The following IQSEC1 variants were observed in gnomAD, a reference collection of about 807,000 sequenced individuals.
IQSEC1 encodes IQ motif and SEC7 domain-containing protein 1.
IQSEC1 carries 31 observed loss-of-function variants against 91.0 expected under a neutral mutation model. The observed-to-expected ratio is 0.34, with a 90% CI of 0.26 to 0.46. IQSEC1 has a LOEUF of 0.46. IQSEC1 is among the 20% of genes least tolerant of loss of function. The probability of loss-of-function intolerance (pLI) is 1.00; values close to 1 mark genes in which losing one functional copy is unlikely to be tolerated. For synonymous variants in IQSEC1, 699 were observed against 662.6 expected, an observed-to-expected ratio of 1.05 and a Z score of -0.84; for missense variants, 1,388 against 1,575.6, an observed-to-expected ratio of 0.88 and a Z score of 2.02.
At chr3:13,192,525 T>C (rs1266941456) in intron 1 of IQSEC1, among the ~76,000 whole-genome samples, 1 of 151,034 alleles carries the variant, frequency 6.6e-6, no homozygotes, top group Non-Finnish European at 1.5e-5. Context: ...CCTGCGGAGG[T>C]GGAGGTGGAG....
chr3:13,107,340 C>T (rs1316091005), intron 2 of IQSEC1, among the ~76,000 whole-genome samples: 23 of 152,232 alleles, frequency 1.5e-4, no homozygotes, highest in Admixed American at 1.5e-3. Flanking sequence ...GTTAAGGCAG[C>T]GGCCATTGCC....
At chr3:13,243,991 C>A (rs1199877125) in intron 1 of IQSEC1, among the ~76,000 whole-genome samples, 1 of 152,172 alleles carries the variant, frequency 6.6e-6, no homozygotes, top group Non-Finnish European at 1.5e-5. Flanking sequence ...GGATATGATG[C>A]CCTTTCATTT....
Position 12,900,726 on chromosome 3 carries a change from T to G in IQSEC1, c.*257A>C. 1 of 1,405,474 alleles carries G rather than the reference T, an allele frequency of 7.1e-7. No individual in the cohort carries two copies. Among genetic ancestry groups the G allele is most frequent in the South Asian group, 1.5e-5 (1 of 65,840 alleles). 87.1% of individuals were successfully genotyped at this position (1,405,474 alleles called of 1,614,324 possible). ...CTTGGCTGGCTCACCGTTTCAAGGC[T>G]GATGGTGTCTGAGGCCCACCCATCC... On this transcript the variant is annotated 3_prime_UTR_variant, in exon 14 of 14. Coordinates refer to ENST00000613206, the MANE Select transcript of IQSEC1 (RefSeq NM_001134382.3).
intron 2 of IQSEC1, among the ~76,000 whole-genome samples, chr3:13,116,268 T>A (rs940199853): frequency 3.3e-5 from 5 of 152,148 alleles, no homozygotes; most frequent in Non-Finnish European, 7.4e-5. Context: ...GAGCTATATG[T>A]GGGGGCCAGA....
rs927534505 is a variant in IQSEC1 at position 13,226,575 on chromosome 3, G to C, written c.272+56136C>G. 2.9e-5 allele frequency among the ~76,000 whole-genome samples: 4 copies of C among 136,126 alleles called. No homozygotes were observed. In the East Asian group the frequency reaches 6.9e-4, roughly 23 times the overall value. 89.3% of individuals were successfully genotyped at this position (136,126 alleles called of 152,430 possible). A position where few individuals can be genotyped will look rare whatever the true frequency, so the allele number is the denominator to read the frequency against. The stretch of plus-strand genomic sequence containing the variant: ...AAGACCAGCCTAGGCAGCATAGTGA[G>C]ACCCCATCTCTACCAAAAAAAAAAA... On this transcript the variant is annotated intron_variant, in intron 1 of 15. Transcript: ENST00000648114.
intron 2 of IQSEC1, among the ~76,000 whole-genome samples, chr3:13,094,795 C>T (rs1338746637): frequency 1.3e-5 from 2 of 152,286 alleles, no homozygotes; most frequent in East Asian, 1.9e-4. Flanking sequence ...TGTGACCTGC[C>T]GAGAGCACCT....
intron 2 of IQSEC1, among the ~76,000 whole-genome samples, chr3:13,133,137 T>C (rs1706649747): frequency 6.6e-6 from 1 of 152,184 alleles, no homozygotes; most frequent in Admixed American, 6.5e-5. Context: ...GCCATTCCCA[T>C]CACTGCCCCT....
chr3:13,030,256 C>T (rs981885940), intron 1 of IQSEC1, among the ~76,000 whole-genome samples: 1 of 152,166 alleles, frequency 6.6e-6, no homozygotes, highest in Admixed American at 6.5e-5. Flanking sequence ...CACCACCACA[C>T]GTAGCTATTT....
At chr3:13,238,613 G>GCT (rs1458295650) in intron 1 of IQSEC1, among the ~76,000 whole-genome samples, 2 of 152,226 alleles carry the variant, frequency 1.3e-5, no homozygotes, top group African/African-American at 2.4e-5. Context: ...CTAGAGCAGG[G>GCT]CTCAGCACAT....
Position 12,940,959 on chromosome 3 carries a change from C to T in IQSEC1, c.318+612G>A, listed in dbSNP as rs1192246016. Among the ~76,000 whole-genome samples, 1 of 152,168 alleles carries T rather than the reference C, an allele frequency of 6.6e-6. No individual in the cohort carries two copies. Among genetic ancestry groups the T allele is most frequent in the African/African-American group, 2.4e-5 (1 of 41,440 alleles). Reference sequence around the variant, plus strand: ...GTCCTCCCTCAAGCCCAGCCCTAGGCACACTGTGGGTCTGGGCCACCTCTA... The same window carrying T: ...GTCCTCCCTCAAGCCCAGCCCTAGGTACACTGTGGGTCTGGGCCACCTCTA... On this transcript the variant is annotated intron_variant, in intron 2 of 13. Coordinates refer to ENST00000613206, the MANE Select transcript of IQSEC1 (RefSeq NM_001134382.3). The surrounding 1 kb of genome is among the most constrained non-coding windows in gnomAD (Gnocchi z 4.4).
rs888169228 is a variant in IQSEC1, at chr3:12,978,539, T to TA, written c.24-36675dup. 6.1e-3 allele frequency among the ~76,000 whole-genome samples: 924 copies of TA among 151,022 alleles called. 10 individuals are homozygous for TA. The highest frequency in any genetic ancestry group is 0.021 in the African/African-American group (869 of 41,156). On this transcript the variant is annotated intron_variant, in intron 1 of 13. Coordinates refer to ENST00000613206, the MANE Select transcript of IQSEC1 (RefSeq NM_001134382.3). ...CGGTGAAACCCCGTCTCTACTAAAA[T>TA]AAAAAAAACTACAAAAATTAGCCGG...
Position 12,913,473 on chromosome 3 carries a change from G to A in IQSEC1, c.2271C>T (p.Leu757=), listed in dbSNP as rs1323894093. 8.1e-6 allele frequency: 13 copies of A among 1,607,344 alleles called. No homozygotes were observed. Among genetic ancestry groups the A allele is most frequent in the Middle Eastern group, 1.7e-4 (1 of 6,030 alleles). ...EVPDPNKPQK[L]GLHQREIFLF... Reference sequence around the variant, plus strand: ...GGAAGATTTCTCGCTGGTGTAGTCCGAGTTTCTGGGGCTTGTTTGGGTCTG... The same window carrying A: ...GGAAGATTTCTCGCTGGTGTAGTCCAAGTTTCTGGGGCTTGTTTGGGTCTG... Residue 757 remains leucine, a synonymous_variant, in exon 9 of 14, where the codon CTC becomes CTT. Coordinates refer to ENST00000613206, the MANE Select transcript of IQSEC1 (RefSeq NM_001134382.3).
intron 1 of IQSEC1, chr3:13,047,624 A>C: frequency 1.3e-5 from 6 of 472,130 alleles, no homozygotes; most frequent in Non-Finnish European, 1.7e-5. Context: ...GTCCCAGGAC[A>C]GGTCCTGGGG....
intron 8 of IQSEC1, among the ~76,000 whole-genome samples, chr3:12,913,761 T>C (rs751266111): frequency 2.1e-4 from 32 of 152,230 alleles, no homozygotes; most frequent in Non-Finnish European, 2.6e-4. Context: ...AGCCACTATT[T>C]AAAATCCCGT....
intron 1 of IQSEC1, among the ~76,000 whole-genome samples, chr3:13,217,334 T>C (rs1437567492): frequency 1.3e-5 from 2 of 152,252 alleles, no homozygotes; most frequent in African/African-American, 4.8e-5. Context: ...GGTTGCCTTT[T>C]CAGGACTTCC....
chr3:12,993,768 C>T (rs1165928934), intron 1 of IQSEC1, among the ~76,000 whole-genome samples: 3 of 152,252 alleles, frequency 2.0e-5, no homozygotes, highest in African/African-American at 4.8e-5. Context: ...GGCGCTGGCG[C>T]GCCCCGGCCC....
chr3:13,253,014 A>G lies in IQSEC1; in HGVS notation c.272+29697T>C, dbSNP rs376941320. Reference sequence around the variant, plus strand: ...CCCAAAGTGCTGGGACTACAGGCGTAAGCCACCGCACCCGGTCCCTTATTA... The same window carrying G: ...CCCAAAGTGCTGGGACTACAGGCGTGAGCCACCGCACCCGGTCCCTTATTA... On this transcript the variant is annotated intron_variant, in intron 1 of 15. Transcript: ENST00000648114. Among the ~76,000 whole-genome samples the G allele has an allele frequency of 9.2e-5, 14 of 152,246 alleles. No individual in the cohort carries two copies. The East Asian group carries it at 1.9e-3, about 21-fold the overall frequency.
intron 1 of IQSEC1, among the ~76,000 whole-genome samples, chr3:13,260,638 C>T (rs1387592243): frequency 3.3e-5 from 5 of 152,218 alleles, no homozygotes; most frequent in African/African-American, 9.7e-5. Flanking sequence ...CAAGGCCTGA[C>T]CCGCCGCTGC....
At chr3:13,035,957 G>C (rs1490900113) in intron 1 of IQSEC1, among the ~76,000 whole-genome samples, 1 of 152,208 alleles carries the variant, frequency 6.6e-6, no homozygotes, top group Non-Finnish European at 1.5e-5. Context: ...GCCAGCCCTG[G>C]CTAAGGTCTC....
Sources: gnomAD v4.1 joint callset for allele counts (sites outside exome capture counted in the v4.1 genomes callset) on GRCh38, gnomAD v4.1.1 for gene constraint, Gnocchi (gnomAD v3.1) non-coding constraint, MANE v1.5 for transcripts, NCBI Gene and HGNC (gene_info 2026-07-23, HGNC 2026-07-21) for gene names.